Variants in ACSM6 observed in about 807,000 individuals in gnomAD.
ACSM6 encodes the protein acyl-CoA synthetase medium chain family member 6.
A neutral mutation model predicts 51.1 loss-of-function variants in ACSM6; 35 were observed. That is an observed-to-expected ratio of 0.69 (90% CI 0.52 to 0.91). ACSM6 has a LOEUF of 0.91. Among genes scored for constraint, ACSM6 ranks in the 40% least tolerant of loss-of-function variants. ACSM6 has a pLI of 0.00. For missense variants in ACSM6, 509 were observed against 584.1 expected (o/e 0.87, Z 1.32); for synonymous variants, 172 against 207.3 (o/e 0.83, Z 1.46).
exon 4 of ACSM6, chr10:95,207,377 G>C (rs2034850184): frequency 1.2e-6 from 2 of 1,614,170 alleles, no homozygotes; most frequent in Non-Finnish European, 1.7e-6. Flanking sequence ...TGTCAGATAA[G>C]AGCTATGATG....
At chr10:95,217,346 C>CAA (rs71986766) in intron 8 of ACSM6, among the ~76,000 whole-genome samples, 11,077 of 138,196 alleles carry the variant, frequency 0.08, 537 homozygotes, top group Middle Eastern at 0.25. Flanking sequence ...GACTCCATCT[C>CAA]AAAAAAAAAA....
intron 2 of ACSM6, among the ~76,000 whole-genome samples, chr10:95,199,990 TC>T (rs983733303): frequency 1.6e-4 from 24 of 152,298 alleles, no homozygotes; most frequent in African/African-American, 5.3e-4. Flanking sequence ...GACCCAGCCA[TC>T]CCATTACTGG....
exon 11 of ACSM6, chr10:95,228,732 G>T (rs2035065372): frequency 6.4e-7 from 1 of 1,551,660 alleles, no homozygotes; most frequent in Admixed American, 2.0e-5. Context: ...GGCTACTTCT[G>T]GTGGTCTGGT....
chr10:95,214,812 T>C, intron 7 of ACSM6, 40 bp from the exon 8 acceptor site: 1 of 1,544,794 alleles, frequency 6.5e-7, no homozygotes, highest in Non-Finnish European at 8.7e-7. Flanking sequence ...TTGGTAGAAA[T>C]ATTCCCTGAG....
At chr10:95,195,007 T>C (rs148598720) in intron 2 of ACSM6, among the ~76,000 whole-genome samples, 1 of 152,342 alleles carries the variant, frequency 6.6e-6, no homozygotes, top group East Asian at 1.9e-4. Context: ...CAATAAAAAG[T>C]GTTTAGCACA....
chr10:95,194,940 T>C (rs940571560), intron 2 of ACSM6, among the ~76,000 whole-genome samples: 3 of 152,196 alleles, frequency 2.0e-5, no homozygotes, highest in Non-Finnish European at 4.4e-5. Context: ...ATCAGTAAAA[T>C]TGAGATATTA....
intron 3 of ACSM6, among the ~76,000 whole-genome samples, chr10:95,204,066 GGACCACTTCA>G (rs1217955119): frequency 8.6e-5 from 13 of 151,998 alleles, no homozygotes; most frequent in Admixed American, 6.6e-4. Context: ...GAAAGGACAG[GGACCACTTCA>G]GTCTGGGTCA....
chr10:95,203,042 G>A (rs759004823), intron 3 of ACSM6, among the ~76,000 whole-genome samples: 7 of 151,978 alleles, frequency 4.6e-5, no homozygotes, highest in African/African-American at 1.2e-4. Flanking sequence ...CAGGAGATGC[G>A]CAGAGGGCAA....
chr10:95,195,244 A>G (rs1361544721), intron 2 of ACSM6, among the ~76,000 whole-genome samples: 1 of 152,242 alleles, frequency 6.6e-6, no homozygotes, highest in Non-Finnish European at 1.5e-5. Context: ...AATAAGTATA[A>G]GTATGCCTCT....
intron 8 of ACSM6, among the ~76,000 whole-genome samples, chr10:95,215,465 A>T (rs1024675528): frequency 4.6e-5 from 7 of 152,236 alleles, no homozygotes; most frequent in African/African-American, 1.7e-4. Context: ...CACAGATGAA[A>T]AGCATGGTAA....
At chr10:95,197,263 A>C (rs1178104459) in intron 2 of ACSM6, among the ~76,000 whole-genome samples, 1 of 152,212 alleles carries the variant, frequency 6.6e-6, no homozygotes, top group East Asian at 1.9e-4. Context: ...CTGAGAAAAG[A>C]ATTAAGACAC....
chr10:95,195,846 T>A (rs2034720020), intron 2 of ACSM6, among the ~76,000 whole-genome samples: 1 of 152,176 alleles, frequency 6.6e-6, no homozygotes, highest in Non-Finnish European at 1.5e-5. Flanking sequence ...AGACTTCTGT[T>A]TAGGAGACTT....
intron 9 of ACSM6, among the ~76,000 whole-genome samples, chr10:95,224,419 A>G (rs2035020047): frequency 6.6e-6 from 1 of 152,102 alleles, no homozygotes; most frequent in Non-Finnish European, 1.5e-5. Flanking sequence ...GAAATAAGTC[A>G]TTATTTTCTT....
chr10:95,210,733 C>T (rs751298774), exon 5 of ACSM6: 20 of 1,613,916 alleles, frequency 1.2e-5, no homozygotes, highest in African/African-American at 4.0e-5. Context: ...ACAACAGGAG[C>T]TCCCAAAATG....
Position 95,202,332 on chromosome 10 carries a change from G to A in ACSM6, c.403+137G>A, listed in dbSNP as rs74938476. ...CCACAGTGTGGGGGATCTTTAAACAGGCCTAGATTTGAACCCAGCTCCACC... is the reference window on the plus strand; with the variant it reads ...CCACAGTGTGGGGGATCTTTAAACAAGCCTAGATTTGAACCCAGCTCCACC... On this transcript the variant is annotated intron_variant, in intron 3 of 10. Coordinates refer to ENST00000341686, the Ensembl canonical transcript of ACSM6. The A allele has an allele frequency of 7.2e-4, 575 of 800,270 alleles. 7 individuals are homozygous for A. The East Asian group carries it at 0.012, about 16-fold the overall frequency. The allele number at this position is 800,270 out of a possible 1,614,324, so 49.6% of individuals were successfully genotyped here.
intron 2 of ACSM6, among the ~76,000 whole-genome samples, chr10:95,196,536 TACCC>T (rs2034726052): frequency 6.6e-6 from 1 of 152,246 alleles, no homozygotes; most frequent in Admixed American, 6.5e-5. Flanking sequence ...TATGGAATAT[TACCC>T]AAAGATAACC....
chr10:95,207,564 G>T, intron 4 of ACSM6, 149 bp downstream of exon 4: 2 of 860,524 alleles, frequency 2.3e-6, no homozygotes, highest in Non-Finnish European at 3.7e-6. Context: ...AGAAGGTGGT[G>T]TGAGTGGTCA....
Position 95,202,223 on chromosome 10 carries a change from G to T in ACSM6, c.403+28G>T, listed in dbSNP as rs1207986610. 4 of 1,526,846 alleles carry T rather than the reference G, an allele frequency of 2.6e-6. No homozygotes were observed. The African/African-American group carries it at 5.5e-5, about 21-fold the overall frequency. The allele number at this position is 1,526,846 out of a possible 1,614,324, so 94.6% of individuals were successfully genotyped here. ...GAGGCATGGGAGACGGACCCCAGGG[G>T]TTGGAGGCTTATGTGAATCCCAGCC... is the stretch of plus-strand genomic sequence containing the variant. On this transcript the variant is annotated intron_variant, in intron 3 of 10. Coordinates refer to ENST00000341686, the Ensembl canonical transcript of ACSM6.
exon 11 of ACSM6, chr10:95,228,922 T>C (rs1428199101): frequency 7.8e-6 from 7 of 894,340 alleles, no homozygotes; most frequent in African/African-American, 3.4e-5. Context: ...AACTCATCCA[T>C]AATCTCATAT....
Sources: allele counts gnomAD v4.1 joint callset (sites outside exome capture counted in the v4.1 genomes callset), GRCh38; gene constraint gnomAD v4.1.1; transcripts MANE v1.5; gene names NCBI Gene and HGNC (gene_info 2026-07-23, HGNC 2026-07-21).